Variants in SWT1 observed in about 807,000 individuals in gnomAD.
SWT1 encodes the protein SWT1 RNA endoribonuclease homolog, also known as transcriptional protein SWT1.
SWT1 carries 33 observed loss-of-function variants against 107.3 expected under a neutral mutation model. The ratio of observed to expected loss-of-function variants is 0.31; its 90% CI spans 0.23 to 0.41. SWT1 has a LOEUF of 0.41. SWT1 is among the 10% of genes least tolerant of loss of function. The pLI is 1.00. For missense variants in SWT1, 898 were observed against 1,028.9 expected, an observed-to-expected ratio of 0.87 and a Z score of 1.74; for synonymous variants, 345 against 348.3, an observed-to-expected ratio of 0.99 and a Z score of 0.11.
intron 16 of SWT1, 78 bp downstream of exon 16, chr1:185,231,786 G>T: frequency 2.7e-6 from 3 of 1,115,776 alleles, no homozygotes; most frequent in Non-Finnish European, 2.6e-6. Context: ...CTTTTTCAGA[G>T]TTGCTAGGAG....
chr1:185,242,304 C>A (rs906566132), intron 16 of SWT1, among the ~76,000 whole-genome samples: 13 of 152,016 alleles, frequency 8.6e-5, no homozygotes, highest in Admixed American at 8.5e-4. Context: ...ACGTATCAGT[C>A]GGACTGAATT....
At chr1:185,244,327 C>T (rs753802922) in intron 16 of SWT1, among the ~76,000 whole-genome samples, 2 of 152,096 alleles carry the variant, frequency 1.3e-5, no homozygotes, top group African/African-American at 2.4e-5. Context: ...TAGCCCACTA[C>T]ACACCTAGGC....
intron 16 of SWT1, among the ~76,000 whole-genome samples, chr1:185,248,134 T>G (rs1421448927): frequency 6.6e-6 from 1 of 152,220 alleles, no homozygotes; most frequent in Non-Finnish European, 1.5e-5. Context: ...TTAAGAGAAG[T>G]GGATATGACC....
At chr1:185,193,466 T>C (rs1448463390) in intron 10 of SWT1, among the ~76,000 whole-genome samples, 1 of 149,816 alleles carries the variant, frequency 6.7e-6, no homozygotes, top group East Asian at 2.0e-4. Context: ...CTTTTTCTTT[T>C]CTTTTTTTTT....
intron 16 of SWT1, among the ~76,000 whole-genome samples, chr1:185,260,977 T>G (rs921055380): frequency 2.0e-5 from 3 of 152,158 alleles, no homozygotes; most frequent in African/African-American, 7.2e-5. Flanking sequence ...TTTCCTTCCT[T>G]AAAATAATGT....
At chr1:185,236,133 T>C in intron 16 of SWT1, among the ~76,000 whole-genome samples, 1 of 152,206 alleles carries the variant, frequency 6.6e-6, no homozygotes, top group African/African-American at 2.4e-5. Flanking sequence ...CAAAGTAATT[T>C]ATAGATTCAC....
intron 9 of SWT1, among the ~76,000 whole-genome samples, chr1:185,188,598 C>T (rs1267089847): frequency 6.6e-6 from 1 of 152,312 alleles, no homozygotes; most frequent in East Asian, 1.9e-4. Context: ...TTTGTCTTTG[C>T]ATATCCATCT....
chr1:185,245,137 T>C (rs1381154337), intron 16 of SWT1, among the ~76,000 whole-genome samples: 1 of 152,186 alleles, frequency 6.6e-6, no homozygotes, highest in Non-Finnish European at 1.5e-5. Flanking sequence ...CCCTTTCAGA[T>C]CTATGCTTTC....
intron 18 of SWT1, among the ~76,000 whole-genome samples, chr1:185,285,527 C>T (rs1664896243): frequency 6.6e-6 from 1 of 152,166 alleles, no homozygotes; most frequent in Non-Finnish European, 1.5e-5. Flanking sequence ...CTTTGGTGCA[C>T]AAAAGTTTTT....
intron 10 of SWT1, among the ~76,000 whole-genome samples, chr1:185,197,931 A>C (rs1403279292): frequency 6.6e-6 from 1 of 151,418 alleles, no homozygotes; most frequent in African/African-American, 2.4e-5. Context: ...TTGTGTCTCT[A>C]TCTCCTTCAG....
intron 16 of SWT1, among the ~76,000 whole-genome samples, chr1:185,245,018 G>A (rs895750506): frequency 3.3e-5 from 5 of 152,256 alleles, no homozygotes; most frequent in East Asian, 1.9e-4. Flanking sequence ...CGAGTTCAAG[G>A]TTAAAGTGAG....
In SWT1 at chr1:185,273,431, G is replaced by A. The variant is rs146244126; in HGVS notation, c.2508+2042G>A. Reference sequence around the variant, plus strand: ...AAAACAGTAAAAATAGGCTGGGCGCGGTGGCTCATGCCTGTAATCCCAGCA... The same window carrying A: ...AAAACAGTAAAAATAGGCTGGGCGCAGTGGCTCATGCCTGTAATCCCAGCA... On this transcript the variant is annotated intron_variant, in intron 17 of 18. Transcript: ENST00000367500. Among the ~76,000 whole-genome samples the A allele has an allele frequency of 7.2e-3, 1,090 of 151,756 alleles. 5 individuals carry two copies. Among genetic ancestry groups the A allele is most frequent in the Non-Finnish European group, 0.011 (746 of 67,926 alleles).
chr1:185,184,043 A>G lies in SWT1; in HGVS notation c.1139-200A>G, dbSNP rs909127982. On this transcript the variant is annotated intron_variant, in intron 7 of 18. Transcript: ENST00000367500. ...GAGGACCTTAATTGATTGGGGAGAA[A>G]TTTACTTGGCAACAAGGATACGGGC... 4.6e-5 allele frequency among the ~76,000 whole-genome samples: 7 copies of G among 152,242 alleles called. No homozygotes were observed. In the South Asian group the frequency reaches 1.4e-3, roughly 32 times the overall value.
At position 185,171,639 on chromosome 1, in the gene SWT1, CAA is replaced by C. The variant is rs950099694; in HGVS notation, c.225-2732_225-2731del. The C allele has an allele frequency of 5.7e-6, 3 of 528,276 alleles. No individual in the cohort carries two copies. In the African/African-American group the frequency reaches 5.8e-5, roughly 10 times the overall value. The allele number at this position is 528,276 out of a possible 1,614,324, so 32.7% of individuals were successfully genotyped here. On this transcript the variant is annotated intron_variant, in intron 4 of 18. Coordinates refer to ENST00000367500, the MANE Select transcript of SWT1 (RefSeq NM_017673.7). ...CCGTCTTCTATGGGGTGGGTGCAAT[CAA>C]GAGTGAACTTCAGAACCTGCTTCTT...
At chr1:185,162,436 A>G (rs948322705) in intron 2 of SWT1, among the ~76,000 whole-genome samples, 3 of 152,164 alleles carry the variant, frequency 2.0e-5, no homozygotes, top group African/African-American at 7.2e-5. Flanking sequence ...TAGAGATACC[A>G]TATTCTCCTG....
chr1:185,170,883 C>A (rs1654994700), intron 4 of SWT1, among the ~76,000 whole-genome samples: 1 of 152,100 alleles, frequency 6.6e-6, no homozygotes, highest in Non-Finnish European at 1.5e-5. Context: ...GCCCAGAAAC[C>A]TGCATTTTAT....
chr1:185,236,532 C>T (rs1178268234), intron 16 of SWT1, among the ~76,000 whole-genome samples: 1 of 152,176 alleles, frequency 6.6e-6, no homozygotes, highest in Non-Finnish European at 1.5e-5. Context: ...AAAGCTGAAA[C>T]TGGATTCCTT....
chr1:185,279,896 AAT>A lies in SWT1; in HGVS notation c.2573+3229_2573+3230del, dbSNP rs1664508671. Among the ~76,000 whole-genome samples, 3 of 152,132 alleles carry A rather than the reference AAT, an allele frequency of 2.0e-5. No individual in the cohort carries two copies. The South Asian group carries it at 6.2e-4, about 32-fold the overall frequency. On this transcript the variant is annotated intron_variant, in intron 18 of 18. Coordinates refer to ENST00000367500, the MANE Select transcript of SWT1 (RefSeq NM_017673.7). ...ATTATTTAAATTGTCTGAATTTGAT[AAT>A]CTTTGTTTTTGTTTTTTTTAAAGCA...
At chr1:185,276,268 G>A (rs553171820) in intron 17 of SWT1, among the ~76,000 whole-genome samples, 2 of 152,192 alleles carry the variant, frequency 1.3e-5, no homozygotes, top group South Asian at 2.1e-4. Flanking sequence ...TTCAGAAAAT[G>A]TCTGTAAATC....
Sources: gnomAD v4.1 joint callset for allele counts (sites outside exome capture counted in the v4.1 genomes callset) on GRCh38, gnomAD v4.1.1 for gene constraint, MANE v1.5 for transcripts, NCBI Gene and HGNC (gene_info 2026-07-23, HGNC 2026-07-21) for gene names.